The following PPARGC1A variants were observed in gnomAD, a reference collection of about 807,000 sequenced individuals.
PPARGC1A encodes peroxisome proliferator-activated receptor gamma coactivator 1-alpha.
A neutral mutation model predicts 88.7 loss-of-function variants in PPARGC1A; 25 were observed. That is an observed-to-expected ratio of 0.28 (90% CI 0.21 to 0.39). The LOEUF (loss-of-function observed/expected upper bound fraction) is 0.39, where lower values mean the gene tolerates loss of function less well. Ranked by LOEUF, PPARGC1A falls within the 10% of genes least tolerant of loss-of-function variation. The pLI is 1.00. For missense variants in PPARGC1A, 880 were observed against 968.7 expected (o/e 0.91, Z 1.22); for synonymous variants, 363 against 355.6 (o/e 1.02, Z -0.24).
chr4:24,362,211 C>T, the PPARGC1A span, among the ~76,000 whole-genome samples: 1 of 152,158 alleles, frequency 6.6e-6, no homozygotes, highest in African/African-American at 2.4e-5. Context: ...CTGTGATCAT[C>T]TTCCTTTTTC....
the PPARGC1A span, among the ~76,000 whole-genome samples, chr4:24,448,818 G>A: frequency 2.0e-5 from 3 of 152,140 alleles, no homozygotes; most frequent in Non-Finnish European, 4.4e-5. Flanking sequence ...ATAAAATTAG[G>A]GAAGAAGGGA....
the PPARGC1A span, among the ~76,000 whole-genome samples, chr4:24,060,303 C>T: frequency 2.0e-5 from 3 of 152,158 alleles, no homozygotes; most frequent in Non-Finnish European, 2.9e-5. Context: ...GCAAGCAAGC[C>T]ACTATGGAGA....
chr4:24,124,404 T>A, the PPARGC1A span, among the ~76,000 whole-genome samples: 1 of 152,248 alleles, frequency 6.6e-6, no homozygotes, highest in Non-Finnish European at 1.5e-5. Flanking sequence ...TCAGCCCATC[T>A]GTCTTAATTC....
At chr4:23,802,132 T>G in intron 11 of PPARGC1A, 92 bp downstream of exon 11, 1 of 1,549,602 alleles carries the variant, frequency 6.5e-7, no homozygotes, top group Non-Finnish European at 8.8e-7. Context: ...GTCAAAGCAC[T>G]TACATTGGCA....
At chr4:24,324,084 G>T in the PPARGC1A span, among the ~76,000 whole-genome samples, 4 of 152,180 alleles carry the variant, frequency 2.6e-5, no homozygotes, top group Non-Finnish European at 5.9e-5. Flanking sequence ...TTTAATCATT[G>T]CAGAGACGCC....
the PPARGC1A span, among the ~76,000 whole-genome samples, chr4:24,400,766 T>C: frequency 3.3e-5 from 5 of 152,150 alleles, no homozygotes; most frequent in Admixed American, 1.3e-4. Context: ...ATCGTAAGAC[T>C]GTCAGGATGA....
intron 10 of PPARGC1A, among the ~76,000 whole-genome samples, chr4:23,810,811 A>G (rs553860978): frequency 6.6e-6 from 1 of 152,330 alleles, no homozygotes; most frequent in African/African-American, 2.4e-5. Flanking sequence ...TTCGCTCAGC[A>G]TGATTTTCTT....
At chr4:24,046,161 C>G in the PPARGC1A span, among the ~76,000 whole-genome samples, 4 of 152,134 alleles carry the variant, frequency 2.6e-5, no homozygotes, top group Non-Finnish European at 5.9e-5. Flanking sequence ...CATGTCAGAA[C>G]ATATGTCCCT....
the PPARGC1A span, among the ~76,000 whole-genome samples, chr4:23,990,955 A>G: frequency 6.6e-6 from 1 of 152,108 alleles, no homozygotes; most frequent in Non-Finnish European, 1.5e-5. Flanking sequence ...AAGTATCTAA[A>G]CAGCTCACCC....
chr4:23,843,073 C>T (rs1727350142), intron 2 of PPARGC1A, among the ~76,000 whole-genome samples: 1 of 151,970 alleles, frequency 6.6e-6, no homozygotes, highest in South Asian at 2.1e-4. Flanking sequence ...TTTGGCAGTC[C>T]TAAGGCAGCT....
the PPARGC1A span, among the ~76,000 whole-genome samples, chr4:24,044,954 C>T: frequency 6.6e-6 from 1 of 152,178 alleles, no homozygotes; most frequent in South Asian, 2.1e-4. Flanking sequence ...AGCCTTTCCA[C>T]CCAGGCAAGT....
At chr4:23,959,498 G>A in the PPARGC1A span, among the ~76,000 whole-genome samples, 522 of 152,254 alleles carry the variant, frequency 3.4e-3, 4 homozygotes, top group African/African-American at 0.012. Flanking sequence ...AGAAAACAGA[G>A]TAAGAGTAAT....
upstream of PPARGC1A, among the ~76,000 whole-genome samples, chr4:23,908,254 A>C (rs1285715604): frequency 6.6e-6 from 1 of 152,198 alleles, no homozygotes; most frequent in Non-Finnish European, 1.5e-5. Context: ...GAAAAATTAA[A>C]ATTTTAAAAA....
chr4:24,301,789 T>C, the PPARGC1A span, among the ~76,000 whole-genome samples: 15 of 152,294 alleles, frequency 9.8e-5, no homozygotes, highest in Admixed American at 7.2e-4. Flanking sequence ...ACCAGTTTCT[T>C]GGTTCTTAGA....
chr4:23,923,018 A>G, the PPARGC1A span, among the ~76,000 whole-genome samples: 1 of 151,146 alleles, frequency 6.6e-6, no homozygotes, highest in African/African-American at 2.4e-5. Flanking sequence ...TTTTGTTTTC[A>G]TTTTGTTGGC....
chr4:24,139,804 C>A, the PPARGC1A span, among the ~76,000 whole-genome samples: 1 of 152,134 alleles, frequency 6.6e-6, no homozygotes, highest in African/African-American at 2.4e-5. Flanking sequence ...AAGGGAAGTG[C>A]TCATTTGTGA....
At chr4:24,298,008 A>T in the PPARGC1A span, among the ~76,000 whole-genome samples, 1 of 152,188 alleles carries the variant, frequency 6.6e-6, no homozygotes, top group Non-Finnish European at 1.5e-5. Flanking sequence ...GAACCATAGT[A>T]GCTACAGAGA....
At chr4:24,298,412 A>G in the PPARGC1A span, among the ~76,000 whole-genome samples, 1 of 152,152 alleles carries the variant, frequency 6.6e-6, no homozygotes, top group Non-Finnish European at 1.5e-5. Flanking sequence ...CATCTCATTA[A>G]GCTGTTGTGG....
intron 2 of PPARGC1A, among the ~76,000 whole-genome samples, chr4:23,851,220 G>A (rs918389206): frequency 1.3e-5 from 2 of 152,084 alleles, no homozygotes; most frequent in Non-Finnish European, 2.9e-5. Context: ...TTTAATCTAG[G>A]TAAACTGCAG....
Sources: gnomAD v4.1 joint callset for allele counts (sites outside exome capture counted in the v4.1 genomes callset) on GRCh38, gnomAD v4.1.1 for gene constraint, MANE v1.5 for transcripts, NCBI Gene and HGNC (gene_info 2026-07-23, HGNC 2026-07-21) for gene names.